PARD3B: variants seen among roughly 807,000 people sequenced by gnomAD.
PARD3B encodes par-3 family cell polarity regulator beta, also known as partitioning defective 3 homolog B.
A neutral mutation model predicts 130.2 loss-of-function variants in PARD3B; 103 were observed. That is an observed-to-expected ratio of 0.79 (90% CI 0.67 to 0.93). The LOEUF (loss-of-function observed/expected upper bound fraction) is 0.93, where lower values mean the gene tolerates loss of function less well. Ranked by LOEUF, PARD3B falls within the 40% of genes least tolerant of loss-of-function variation. The pLI is 0.00. For synonymous variants in PARD3B, 583 were observed against 553.2 expected (o/e 1.05, Z -0.76); for missense variants, 1,609 against 1,499.2 (o/e 1.07, Z -1.21).
At chr2:205,060,656 AAT>A (rs1389598970) in intron 4 of PARD3B, among the ~76,000 whole-genome samples, 1 of 152,110 alleles carries the variant, frequency 6.6e-6, no homozygotes, top group East Asian at 1.9e-4. Context: ...GTGGGTGCTT[AAT>A]ATATGTTAAT....
Position 205,265,749 on chromosome 2 carries a change from A to G in PARD3B, c.2185+19927A>G, listed in dbSNP as rs2040478608. On this transcript the variant is annotated intron_variant, in intron 16 of 22. Coordinates refer to ENST00000406610, the MANE Select transcript of PARD3B (RefSeq NM_001302769.2). The surrounding 1 kb of genome is among the most constrained non-coding windows in gnomAD (Gnocchi z 4.3). ...ACACGATATTTATTAGGTGCAAGTT[A>G]CATGCTATTGTAGTAAAGTTAAAAG... 6.6e-6 allele frequency among the ~76,000 whole-genome samples: 1 copy of G among 152,094 alleles called. No homozygotes were observed. The highest frequency in any genetic ancestry group is 2.4e-5 in the African/African-American group (1 of 41,464).
At chr2:205,422,980 A>G (rs538245598) in intron 19 of PARD3B, among the ~76,000 whole-genome samples, 7 of 152,322 alleles carry the variant, frequency 4.6e-5, no homozygotes, top group African/African-American at 1.4e-4. Context: ...ATGGTCGTCT[A>G]TAAAAGCCTC....
intron 21 of PARD3B, among the ~76,000 whole-genome samples, chr2:205,512,178 C>A (rs2050612971): frequency 6.6e-6 from 1 of 152,150 alleles, no homozygotes; most frequent in African/African-American, 2.4e-5. Flanking sequence ...CTATGACTTT[C>A]CAGCCCTCCT....
In PARD3B at chr2:205,613,198, T is replaced by A. The variant is rs559726437; in HGVS notation, c.3261-2258T>A. On this transcript the variant is annotated intron_variant, in intron 22 of 22. Coordinates refer to ENST00000406610, the MANE Select transcript of PARD3B (RefSeq NM_001302769.2). The stretch of plus-strand genomic sequence containing the variant: ...GAGTCCGGAGGGAGGGCTGGTTGTA[T>A]GTTCATTTGAAGGCAAATAATGTTT... 2.6e-5 allele frequency among the ~76,000 whole-genome samples: 4 copies of A among 152,340 alleles called. No homozygotes were observed. The South Asian group carries it at 6.2e-4, about 24-fold the overall frequency.
chr2:204,911,874 T>G lies in PARD3B; in HGVS notation c.223-53278T>G, dbSNP rs146909708. On this transcript the variant is annotated intron_variant, in intron 2 of 22. Coordinates refer to ENST00000406610, the MANE Select transcript of PARD3B (RefSeq NM_001302769.2). ...GTTGTATACTTTAAATATATACAAC[T>G]TTTGTTTGTCAAATATACTTCATAA... 1.1e-3 allele frequency among the ~76,000 whole-genome samples: 171 copies of G among 152,316 alleles called. No individual in the cohort carries two copies. The Middle Eastern group carries it at 0.014, about 12-fold the overall frequency.
intron 2 of PARD3B, among the ~76,000 whole-genome samples, chr2:204,870,367 A>G (rs889123250): frequency 6.6e-6 from 1 of 152,202 alleles, no homozygotes; most frequent in African/African-American, 2.4e-5. Flanking sequence ...AAAGTTGCTA[A>G]GAGTCCCTAT....
chr2:204,783,658 A>G (rs1046538536), intron 2 of PARD3B, among the ~76,000 whole-genome samples: 7 of 152,070 alleles, frequency 4.6e-5, no homozygotes, highest in Non-Finnish European at 1.0e-4. Flanking sequence ...TGTGCCGAAC[A>G]CTCATTTAGG....
chr2:205,397,518 A>G lies in PARD3B; in HGVS notation c.2631-3495A>G, dbSNP rs2046075649. 6.6e-6 allele frequency among the ~76,000 whole-genome samples: 1 copy of G among 152,236 alleles called. No individual in the cohort carries two copies. The highest frequency in any genetic ancestry group is 2.4e-5 in the African/African-American group (1 of 41,464). On this transcript the variant is annotated intron_variant, in intron 18 of 22. Coordinates refer to ENST00000406610, the MANE Select transcript of PARD3B (RefSeq NM_001302769.2). This position sits in a 1 kb window ranked among gnomAD's most constrained non-coding sequence, Gnocchi z 4.8. ...AAGTCAAACATTTTAGCTACCAGAA[A>G]CAAAAATAATTTATTGGGTGTGGTA...
At chr2:204,897,518 A>G (rs771150399) in intron 2 of PARD3B, among the ~76,000 whole-genome samples, 1 of 151,312 alleles carries the variant, frequency 6.6e-6, no homozygotes, top group Non-Finnish European at 1.5e-5. Flanking sequence ...AGATAATTGT[A>G]GAATTGCGTA....
rs750739739 is a variant in PARD3B at position 205,500,034 on chromosome 2, A to G, written c.3180+3A>G. The G allele has an allele frequency of 6.2e-7, 1 of 1,610,936 alleles. No homozygotes were observed. Among genetic ancestry groups the G allele is most frequent in the East Asian group, 2.2e-5 (1 of 44,858 alleles). ...CATCTGAGTATGACCTACTCTGGGT[A>G]AGCGCATGCATGATTTCAATCGTTG... On this transcript the variant is annotated splice_donor_region_variant and intron_variant, in intron 21 of 22. Coordinates refer to ENST00000406610, the MANE Select transcript of PARD3B (RefSeq NM_001302769.2).
In PARD3B at chr2:205,125,290, G is replaced by A. The variant is rs372329666; in HGVS notation, c.1306-319G>A. ...CTTGTTGAATTAGGCAGAAAATGGC[G>A]CTAAGTAAGCCTTTGCAATCTGCTT... On this transcript the variant is annotated intron_variant, in intron 9 of 22. Coordinates refer to ENST00000406610, the MANE Select transcript of PARD3B (RefSeq NM_001302769.2). This position sits in a 1 kb window ranked among gnomAD's most constrained non-coding sequence, Gnocchi z 4.0. 2.0e-4 allele frequency among the ~76,000 whole-genome samples: 31 copies of A among 152,232 alleles called. No homozygotes were observed. Among genetic ancestry groups the A allele is most frequent in the Admixed American group, 1.6e-3 (25 of 15,302 alleles).
rs2046438361 is a variant in PARD3B at position 205,407,059 on chromosome 2, A to C, written c.2741+5936A>C. Among the ~76,000 whole-genome samples the C allele has an allele frequency of 6.6e-6, 1 of 152,200 alleles. No individual in the cohort carries two copies. Among genetic ancestry groups the C allele is most frequent in the Admixed American group, 6.5e-5 (1 of 15,286 alleles). On this transcript the variant is annotated intron_variant, in intron 19 of 22. Coordinates refer to ENST00000406610, the MANE Select transcript of PARD3B (RefSeq NM_001302769.2). This position sits in a 1 kb window ranked among gnomAD's most constrained non-coding sequence, Gnocchi z 4.1. ...GTATGAGAAATATCTAAATATCTTA[A>C]GTATGGAAGCATTTACTTTTACTTT... is the stretch of plus-strand genomic sequence containing the variant.
rs144657049 is a variant in PARD3B at position 204,835,996 on chromosome 2, C to T, written c.223-129156C>T. Among the ~76,000 whole-genome samples the T allele has an allele frequency of 2.3e-3, 344 of 152,232 alleles. 1 individual carries two copies. The highest frequency in any genetic ancestry group is 6.8e-3 in the Middle Eastern group (2 of 294). ...ATCTGTACTCCATTTATTGACACCC[C>T]ATTTAAAAAAATTGTTAAAAACTAT... On this transcript the variant is annotated intron_variant, in intron 2 of 22. Transcript: ENST00000406610.
At chr2:204,765,327 G>T (rs2041097825) in intron 2 of PARD3B, among the ~76,000 whole-genome samples, 1 of 152,146 alleles carries the variant, frequency 6.6e-6, no homozygotes, top group African/African-American at 2.4e-5. Flanking sequence ...AACAAGTCTT[G>T]CATGGTGTTC....
At chr2:204,559,813 G>T (rs1248303601) in intron 1 of PARD3B, among the ~76,000 whole-genome samples, 6 of 152,186 alleles carry the variant, frequency 3.9e-5, no homozygotes, top group Non-Finnish European at 7.3e-5. Context: ...GATAGACTGG[G>T]TTAAGAAGAT....
At chr2:205,219,938 T>A (rs1465073269) in intron 15 of PARD3B, among the ~76,000 whole-genome samples, 1 of 152,174 alleles carries the variant, frequency 6.6e-6, no homozygotes, top group Non-Finnish European at 1.5e-5. Context: ...GTCACGTTTG[T>A]AGGAGCCACA....
intron 2 of PARD3B, among the ~76,000 whole-genome samples, chr2:204,922,435 T>C (rs17535605): frequency 5.3e-5 from 8 of 152,090 alleles, no homozygotes; most frequent in African/African-American, 1.9e-4. Context: ...GGTAGTACTA[T>C]TGAATGAATA....
At chr2:205,238,849 AATATAT>A (rs66692400) in intron 15 of PARD3B, among the ~76,000 whole-genome samples, 61 of 76,876 alleles carry the variant, frequency 7.9e-4, no homozygotes, top group African/African-American at 1.8e-3. Context: ...AAAAAAAAAA[AATATAT>A]ATATATATAT....
At chr2:205,027,985 C>G (rs1308426984) in intron 3 of PARD3B, among the ~76,000 whole-genome samples, 1 of 152,010 alleles carries the variant, frequency 6.6e-6, no homozygotes, top group African/African-American at 2.4e-5. Flanking sequence ...TTTTGTAATA[C>G]AGTTTAAAAT....
Sources: gnomAD v4.1 joint callset for allele counts (sites outside exome capture counted in the v4.1 genomes callset) on GRCh38, gnomAD v4.1.1 for gene constraint, Gnocchi (gnomAD v3.1) non-coding constraint, MANE v1.5 for transcripts, NCBI Gene and HGNC (gene_info 2026-07-23, HGNC 2026-07-21) for gene names.